Variants in COL14A1 observed in about 807,000 individuals in gnomAD.
COL14A1 encodes the protein collagen type XIV alpha 1 chain.
A neutral mutation model predicts 230.3 loss-of-function variants in COL14A1; 136 were observed. The observed-to-expected ratio is 0.59, with a 90% CI of 0.51 to 0.68. The LOEUF is 0.68. COL14A1 is among the 30% of genes least tolerant of loss of function. The pLI is 0.00. For missense variants in COL14A1, 1,976 were observed against 2,215.8 expected (o/e 0.89, Z 2.17); for synonymous variants, 792 against 784.1 (o/e 1.01, Z -0.17).
At chr8:120,257,933 C>T (rs1287238990) in intron 23 of COL14A1, among the ~76,000 whole-genome samples, 1 of 152,170 alleles carries the variant, frequency 6.6e-6, no homozygotes, top group Non-Finnish European at 1.5e-5. Flanking sequence ...GAAGTCTCTA[C>T]TGTAACCACA....
chr8:120,281,146 T>C (rs919318335), intron 31 of COL14A1, 87 bp downstream of exon 31: 7 of 1,188,316 alleles, frequency 5.9e-6, no homozygotes, highest in Non-Finnish European at 7.0e-6. Context: ...TATGGTGTAA[T>C]AGTCCCAGGT....
Position 120,332,136 on chromosome 8 carries a change from G to C in COL14A1, c.4660-5G>C, listed in dbSNP as rs755699078. On this transcript the variant is annotated splice_region_variant and splice_polypyrimidine_tract_variant and intron_variant, in intron 40 of 47. Coordinates refer to ENST00000297848, the MANE Select transcript of COL14A1 (RefSeq NM_021110.4). The stretch of plus-strand genomic sequence containing the variant: ...TTGCTGACATGCTGTGTTTCTTTTC[G>C]CCAGGGCCTTCCGGGAAAGGATGGA... The C allele has an allele frequency of 1.2e-6, 2 of 1,613,874 alleles. No individual in the cohort carries two copies. Among genetic ancestry groups the C allele is most frequent in the Admixed American group, 3.3e-5 (2 of 60,002 alleles).
At chr8:120,197,374 C>A (rs1369638307) in intron 6 of COL14A1, among the ~76,000 whole-genome samples, 1 of 151,626 alleles carries the variant, frequency 6.6e-6, no homozygotes, top group Non-Finnish European at 1.5e-5. Flanking sequence ...AATCTTTGAG[C>A]AATATTGAGC....
At chr8:120,130,370 TCTGCCTTTATA>T (rs1463416635) in intron 1 of COL14A1, among the ~76,000 whole-genome samples, 1 of 152,220 alleles carries the variant, frequency 6.6e-6, no homozygotes, top group Non-Finnish European at 1.5e-5. Context: ...TTGTATCCTT[TCTGCCTTTATA>T]CTGTTTTCTT....
intron 28 of COL14A1, 108 bp from the exon 29 acceptor site, chr8:120,279,827 G>C: frequency 8.4e-7 from 1 of 1,192,494 alleles, no homozygotes. Flanking sequence ...CACCCCCATG[G>C]GCCTTCCTAA....
At chr8:120,125,908 G>T (rs1319440989) in intron 1 of COL14A1, among the ~76,000 whole-genome samples, 1 of 152,126 alleles carries the variant, frequency 6.6e-6, no homozygotes, top group Non-Finnish European at 1.5e-5. Context: ...GGACGCAAAG[G>T]GAAACAGCTA....
intron 37 of COL14A1, among the ~76,000 whole-genome samples, chr8:120,311,551 A>G (rs141064594): frequency 7.2e-5 from 11 of 152,344 alleles, no homozygotes; most frequent in African/African-American, 2.6e-4. Context: ...GTTTTTGGAA[A>G]AAGTCTTATT....
At position 120,371,819 on chromosome 8, in the gene COL14A1, G is replaced by C. The variant is rs1415636108; in HGVS notation, c.*588G>C. 2.6e-6 allele frequency: 1 copy of C among 386,972 alleles called. No homozygotes were observed. Among genetic ancestry groups the C allele is most frequent in the Non-Finnish European group, 4.6e-6 (1 of 218,556 alleles). 24.0% of individuals were successfully genotyped at this position (386,972 alleles called of 1,614,324 possible). A position where few individuals can be genotyped will look rare whatever the true frequency, so the allele number is the denominator to read the frequency against. On this transcript the variant is annotated 3_prime_UTR_variant, in exon 48 of 48. Coordinates refer to ENST00000297848, the MANE Select transcript of COL14A1 (RefSeq NM_021110.4). ...AAGCTTTCTGAATTTGGTAGTTTAAGAAACAGATTTAGTTTTTCAGTGGTT... is the reference window on the plus strand; with the variant it reads ...AAGCTTTCTGAATTTGGTAGTTTAACAAACAGATTTAGTTTTTCAGTGGTT...
At chr8:120,259,328 G>T (rs562825515) in intron 23 of COL14A1, among the ~76,000 whole-genome samples, 1 of 152,090 alleles carries the variant, frequency 6.6e-6, no homozygotes, top group Non-Finnish European at 1.5e-5. Flanking sequence ...ATAATTATAC[G>T]TTTATAATCT....
At chr8:120,220,446 G>A (rs1232156074) in intron 14 of COL14A1, among the ~76,000 whole-genome samples, 1 of 151,938 alleles carries the variant, frequency 6.6e-6, no homozygotes, top group Non-Finnish European at 1.5e-5. Context: ...GCTAATTTTT[G>A]TATTTTTAGT....
intron 26 of COL14A1, among the ~76,000 whole-genome samples, chr8:120,276,871 A>C (rs1819871228): frequency 6.6e-6 from 1 of 152,034 alleles, no homozygotes. Flanking sequence ...GTTATTAAAA[A>C]AGAGGAGAAT....
At chr8:120,350,834 AG>A (rs2130316425) in intron 45 of COL14A1, among the ~76,000 whole-genome samples, 1 of 151,978 alleles carries the variant, frequency 6.6e-6, no homozygotes, top group South Asian at 2.1e-4. Flanking sequence ...TCAACGAGAC[AG>A]AAAGTTCACA....
chr8:120,281,334 G>A (rs1820031458), intron 31 of COL14A1, among the ~76,000 whole-genome samples: 1 of 151,962 alleles, frequency 6.6e-6, no homozygotes, highest in South Asian at 2.1e-4. Context: ...GGCCAAGGTG[G>A]GAGGATCACT....
At chr8:120,335,242 T>C (rs1159047176) in intron 42 of COL14A1, among the ~76,000 whole-genome samples, 5 of 152,190 alleles carry the variant, frequency 3.3e-5, no homozygotes, top group Non-Finnish European at 5.9e-5. Context: ...GATTAGACTC[T>C]AAATATAGTA....
Position 120,158,173 on chromosome 8 carries a change from C to G in COL14A1, c.132C>G (p.Asp44Glu), listed in dbSNP as rs1397733100. The G allele has an allele frequency of 4.3e-6, 7 of 1,609,224 alleles. No individual in the cohort carries two copies. Among genetic ancestry groups the G allele is most frequent in the Non-Finnish European group, 5.9e-6 (7 of 1,177,192 alleles). Residue 44 changes from aspartate to glutamate, a missense_variant, in exon 3 of 48, where the codon GAC becomes GAG. Physicochemically the swap from Asp to Glu is conservative, Grantham distance 45 (BLOSUM62 2). Transcript: ENST00000297848. ...TRLRYNVISH[D>E]SIQISWKAPR... Reference sequence around the variant, plus strand: ...TAAGATATAATGTAATATCTCATGACAGTATACAGATTTCATGGAAGGCTC... The same window carrying G: ...TAAGATATAATGTAATATCTCATGAGAGTATACAGATTTCATGGAAGGCTC...
intron 5 of COL14A1, among the ~76,000 whole-genome samples, chr8:120,176,112 T>C (rs971389538): frequency 6.6e-6 from 1 of 152,210 alleles, no homozygotes; most frequent in Non-Finnish European, 1.5e-5. Context: ...ATAAATAGCA[T>C]AATATTTGCT....
At chr8:120,196,644 T>G in intron 5 of COL14A1, 147 bp from the exon 6 acceptor site, 1 of 735,402 alleles carries the variant, frequency 1.4e-6, no homozygotes, top group Non-Finnish European at 2.1e-6. Flanking sequence ...TAAAATACAT[T>G]TAAGGGAAGA....
Position 120,371,879 on chromosome 8 carries a change from C to G in COL14A1, c.*648C>G, listed in dbSNP as rs561922881. On this transcript the variant is annotated 3_prime_UTR_variant, in exon 48 of 48. Transcript: ENST00000297848. The stretch of plus-strand genomic sequence containing the variant: ...GTGAAATAATGATTTTCCACCAGCT[C>G]TGATGCAAAGAGATATAATTTTAAT... 3.0e-4 allele frequency: 109 copies of G among 365,608 alleles called. No homozygotes were observed. Among genetic ancestry groups the G allele is most frequent in the Middle Eastern group, 1.4e-3 (2 of 1,420 alleles). The allele number at this position is 365,608 out of a possible 1,614,324, so 22.6% of individuals were successfully genotyped here.
intron 23 of COL14A1, among the ~76,000 whole-genome samples, chr8:120,262,062 G>C (rs1469587736): frequency 6.6e-6 from 1 of 152,196 alleles, no homozygotes; most frequent in Non-Finnish European, 1.5e-5. Context: ...CCACTGCCTA[G>C]AAGGGTGGTC....
Sources: allele counts gnomAD v4.1 joint callset (sites outside exome capture counted in the v4.1 genomes callset), GRCh38; gene constraint gnomAD v4.1.1; transcripts MANE v1.5; gene names NCBI Gene and HGNC (gene_info 2026-07-23, HGNC 2026-07-21).